The following PRKN variants were observed in gnomAD, a reference collection of about 807,000 sequenced individuals.
PRKN encodes the protein parkin RBR E3 ubiquitin protein ligase, also known as E3 ubiquitin-protein ligase parkin.
In PRKN, 56 loss-of-function variants were observed where a neutral mutation model predicts 59.5. The observed-to-expected ratio is 0.94, with a 90% CI of 0.76 to 1.18. The LOEUF is 1.18. Among genes scored for constraint, PRKN ranks in the 50% most tolerant of loss-of-function variants. PRKN has a pLI of 0.00. For missense variants in PRKN, 657 were observed against 596.4 expected (o/e 1.10, Z -1.06); for synonymous variants, 250 against 222.1 (o/e 1.13, Z -1.12).
chr6:161,673,830 T>C (rs887927722), intron 7 of PRKN, among the ~76,000 whole-genome samples: 4 of 151,994 alleles, frequency 2.6e-5, no homozygotes, highest in African/African-American at 7.3e-5. Context: ...AAGAGAGGAG[T>C]CAAGATAACT....
chr6:161,382,901 A>G (rs2114933161), intron 10 of PRKN, among the ~76,000 whole-genome samples: 1 of 152,368 alleles, frequency 6.6e-6, no homozygotes, highest in Non-Finnish European at 1.5e-5. Flanking sequence ...TGTAATGTGC[A>G]AGAACAGAAA....
intron 6 of PRKN, among the ~76,000 whole-genome samples, chr6:161,887,428 T>C (rs553514899): frequency 2.0e-5 from 3 of 152,276 alleles, no homozygotes; most frequent in East Asian, 1.9e-4. Flanking sequence ...TGGAATAAAA[T>C]AGGGAGGGAC....
At chr6:161,946,124 C>T (rs1779765243) in intron 6 of PRKN, among the ~76,000 whole-genome samples, 1 of 151,904 alleles carries the variant, frequency 6.6e-6, no homozygotes, top group South Asian at 2.1e-4. Context: ...TTTCCTAAAA[C>T]TACAAGTAGG....
intron 7 of PRKN, among the ~76,000 whole-genome samples, chr6:161,687,652 T>C (rs1785616561): frequency 6.7e-6 from 1 of 149,996 alleles, no homozygotes; most frequent in Non-Finnish European, 1.5e-5. Flanking sequence ...AGACGGGGTG[T>C]CACCATATTG....
At chr6:162,633,998 T>C (rs1235346289) in intron 1 of PRKN, among the ~76,000 whole-genome samples, 1 of 152,128 alleles carries the variant, frequency 6.6e-6, no homozygotes, top group Non-Finnish European at 1.5e-5. Context: ...ATGAAAAATA[T>C]ACCACACGGT....
intron 2 of PRKN, among the ~76,000 whole-genome samples, chr6:162,309,152 C>A (rs1178492536): frequency 6.6e-6 from 1 of 151,938 alleles, no homozygotes; most frequent in Non-Finnish European, 1.5e-5. Context: ...CAAATCCCAA[C>A]TCAAAATCTC....
chr6:162,368,283 T>A (rs17437766), intron 2 of PRKN, among the ~76,000 whole-genome samples: 1 of 151,862 alleles, frequency 6.6e-6, no homozygotes, highest in Non-Finnish European at 1.5e-5. Flanking sequence ...TTCTTATGAC[T>A]CTAAAATGTA....
chr6:161,519,095 G>A (rs1008632624), intron 9 of PRKN, among the ~76,000 whole-genome samples: 2 of 152,178 alleles, frequency 1.3e-5, no homozygotes, highest in Non-Finnish European at 2.9e-5. Flanking sequence ...TGCTTTGGGA[G>A]TATAGGCTAA....
intron 4 of PRKN, among the ~76,000 whole-genome samples, chr6:162,071,370 TTAG>T (rs1422186033): frequency 6.6e-6 from 1 of 151,876 alleles, no homozygotes; most frequent in African/African-American, 2.4e-5. Context: ...TCAAAGTACC[TTAG>T]TAATATATGC....
chr6:162,720,438 CTTTTTTTT>C (rs148313968), intron 1 of PRKN, among the ~76,000 whole-genome samples: 2 of 90,080 alleles, frequency 2.2e-5, no homozygotes, highest in Non-Finnish European at 4.2e-5. Context: ...CATAGATGGT[CTTTTTTTT>C]TTTTTTTTTT....
chr6:161,661,853 T>A (rs1784560353), intron 7 of PRKN, among the ~76,000 whole-genome samples: 1 of 152,104 alleles, frequency 6.6e-6, no homozygotes, highest in South Asian at 2.1e-4. Flanking sequence ...TGAAACCCCG[T>A]CTCTACTAAA....
intron 1 of PRKN, among the ~76,000 whole-genome samples, chr6:162,636,940 C>T (rs954562309): frequency 5.3e-5 from 8 of 151,338 alleles, no homozygotes; most frequent in East Asian, 1.9e-4. Context: ...AGCCTGGCAA[C>T]GGAGCGAGAT....
At position 161,356,575 on chromosome 6, in the gene PRKN, G is replaced by A. The variant is rs1005370842; in HGVS notation, c.1285+3513C>T. Among the ~76,000 whole-genome samples, 11 of 152,178 alleles carry A rather than the reference G, an allele frequency of 7.2e-5. No individual in the cohort carries two copies. In the East Asian group the frequency reaches 7.7e-4, roughly 11 times the overall value. On this transcript the variant is annotated intron_variant, in intron 11 of 11. Coordinates refer to ENST00000366898, the MANE Select transcript of PRKN (RefSeq NM_004562.3). The surrounding 1 kb of genome is among the most constrained non-coding windows in gnomAD (Gnocchi z 7.8). Reference sequence around the variant, plus strand: ...GGCAAGCAGGGCACTGGCTGGGGACGTGGAGTCAGAGGTGGGCAGACGCTG... The same window carrying A: ...GGCAAGCAGGGCACTGGCTGGGGACATGGAGTCAGAGGTGGGCAGACGCTG...
At chr6:161,668,665 G>T (rs1784805964) in intron 7 of PRKN, among the ~76,000 whole-genome samples, 1 of 152,070 alleles carries the variant, frequency 6.6e-6, no homozygotes, top group Non-Finnish European at 1.5e-5. Context: ...GCCTGGGATG[G>T]TTTCTTTTAT....
intron 1 of PRKN, among the ~76,000 whole-genome samples, chr6:162,588,692 C>T (rs1781173619): frequency 6.6e-6 from 1 of 152,106 alleles, no homozygotes; most frequent in Admixed American, 6.5e-5. Context: ...GCTGGGACTA[C>T]AGGCGCCCGC....
At chr6:162,580,589 G>A (rs2803060) in intron 1 of PRKN, among the ~76,000 whole-genome samples, 52,114 of 151,102 alleles carry the variant, frequency 0.34, 10,627 homozygotes, top group Non-Finnish European at 0.46. Flanking sequence ...AAATCTGTAC[G>A]ATGCCCCCCA....
intron 5 of PRKN, among the ~76,000 whole-genome samples, chr6:162,042,458 T>TA (rs973335311): frequency 1.3e-5 from 2 of 151,656 alleles, no homozygotes; most frequent in Non-Finnish European, 1.5e-5. Context: ...TAATTTTTTT[T>TA]TTTTATTTTT....
In PRKN at chr6:161,409,902, CCT is replaced by C. The variant is rs372429657; in HGVS notation, c.1084-23027_1084-23026del. 4.1e-4 allele frequency among the ~76,000 whole-genome samples: 62 copies of C among 152,208 alleles called. No homozygotes were observed. Among genetic ancestry groups the C allele is most frequent in the African/African-American group, 1.4e-3 (59 of 41,516 alleles). On this transcript the variant is annotated intron_variant, in intron 9 of 11. Coordinates refer to ENST00000366898, the MANE Select transcript of PRKN (RefSeq NM_004562.3). The surrounding 1 kb of genome is among the most constrained non-coding windows in gnomAD (Gnocchi z 4.6). ...GCAGATCCATTCTCATAAAGTTTAC[CCT>C]GTCTTGCTTTTCAGGTGAGAAGCAG...
intron 6 of PRKN, among the ~76,000 whole-genome samples, chr6:161,921,215 G>A (rs541239594): frequency 6.6e-6 from 1 of 151,978 alleles, no homozygotes; most frequent in East Asian, 1.9e-4. Flanking sequence ...AGCCTAACAG[G>A]GTCAGGATCA....
Sources: gnomAD v4.1 joint callset for allele counts (sites outside exome capture counted in the v4.1 genomes callset) on GRCh38, gnomAD v4.1.1 for gene constraint, Gnocchi (gnomAD v3.1) non-coding constraint, MANE v1.5 for transcripts, NCBI Gene and HGNC (gene_info 2026-07-23, HGNC 2026-07-21) for gene names.